VPS13B: variants seen among roughly 807,000 people sequenced by gnomAD.
The protein encoded by VPS13B is intermembrane lipid transfer protein VPS13B.
VPS13B carries 285 observed loss-of-function variants against 426.4 expected under a neutral mutation model. That is an observed-to-expected ratio of 0.67 (90% CI 0.61 to 0.74). The LOEUF (loss-of-function observed/expected upper bound fraction) is 0.74, where lower values mean the gene tolerates loss of function less well. Ranked by LOEUF, VPS13B falls within the 30% of genes least tolerant of loss-of-function variation. The probability of loss-of-function intolerance (pLI) is 0.00; values close to 1 mark genes in which losing one functional copy is unlikely to be tolerated. For missense variants in VPS13B, 4,537 were observed against 4,782.6 expected (o/e 0.95, Z 1.51); for synonymous variants, 1,676 against 1,676.4 (o/e 1.00, Z 0.01).
chr8:99,431,579 TA>T lies in VPS13B; in HGVS notation c.3126del (p.Ser1043LeufsTer11). Reference sequence around the variant, plus strand: ...GTTCCTGTTAAAGCCATGTTGAATATATCTGAAAGCTGTAGAAGTCCTGAAG... The same window carrying T: ...GTTCCTGTTAAAGCCATGTTGAATATTCTGAAAGCTGTAGAAGTCCTGAAG... ...LSVPVKAMLN[I>X]SESCRSPEER... is the part of the protein sequence containing the mutation. On this transcript the variant is annotated frameshift_variant, in exon 22 of 62. Transcript: ENST00000357162. LOFTEE classifies it high-confidence loss of function. 6.2e-7 allele frequency: 1 copy of T among 1,613,560 alleles called. No homozygotes were observed. The highest frequency in any genetic ancestry group is 8.5e-7 in the Non-Finnish European group (1 of 1,179,762).
At chr8:99,517,621 A>G (rs1822156459) in intron 29 of VPS13B, among the ~76,000 whole-genome samples, 1 of 152,302 alleles carries the variant, frequency 6.6e-6, no homozygotes, top group Non-Finnish European at 1.5e-5. Flanking sequence ...TTCTAAATCT[A>G]CAAGTCTTTG....
At chr8:99,520,433 T>C (rs1347817665) in intron 29 of VPS13B, among the ~76,000 whole-genome samples, 2 of 145,044 alleles carry the variant, frequency 1.4e-5, no homozygotes, top group African/African-American at 5.0e-5. Context: ...GTGTGTGTTG[T>C]ATTTAATTAT....
chr8:99,665,163 T>C (rs924138636), intron 35 of VPS13B, among the ~76,000 whole-genome samples: 17 of 151,800 alleles, frequency 1.1e-4, no homozygotes, highest in Non-Finnish European at 2.5e-4. Context: ...TTTGATGGGG[T>C]TGTTTGTTTT....
chr8:99,572,921 A>C (rs1319360995), intron 31 of VPS13B, among the ~76,000 whole-genome samples: 2 of 152,220 alleles, frequency 1.3e-5, no homozygotes, highest in Non-Finnish European at 2.9e-5. Flanking sequence ...TCCCACCAAC[A>C]GTGTAAAAGT....
At chr8:99,127,067 G>C (rs1848215007) in intron 8 of VPS13B, among the ~76,000 whole-genome samples, 1 of 151,652 alleles carries the variant, frequency 6.6e-6, no homozygotes, top group South Asian at 2.1e-4. Flanking sequence ...TGCCACTGCA[G>C]CCTGGGTGAC....
chr8:99,088,366 G>A (rs1382741236), intron 3 of VPS13B, among the ~76,000 whole-genome samples: 1 of 152,020 alleles, frequency 6.6e-6, no homozygotes, highest in African/African-American at 2.4e-5. Flanking sequence ...GCATCATTTT[G>A]CAATGTTAGA....
intron 19 of VPS13B, among the ~76,000 whole-genome samples, chr8:99,315,337 C>CT (rs57818188): frequency 1.4e-4 from 21 of 147,006 alleles, no homozygotes; most frequent in East Asian, 9.9e-4. Flanking sequence ...TTCTCTCTCT[C>CT]TTTTTTTTTT....
chr8:99,851,712 AG>A (rs775484605), intron 55 of VPS13B, among the ~76,000 whole-genome samples: 6 of 151,850 alleles, frequency 4.0e-5, no homozygotes, highest in Non-Finnish European at 7.4e-5. Context: ...GGCCCAGTGG[AG>A]GGGGTGGAAG....
chr8:99,028,539 C>G (rs1272141193), intron 2 of VPS13B, among the ~76,000 whole-genome samples: 4 of 113,470 alleles, frequency 3.5e-5, no homozygotes, highest in African/African-American at 1.3e-4. Flanking sequence ...CCCCCACCTC[C>G]CTCCCGGACG....
At position 99,748,470 on chromosome 8, in the gene VPS13B, T is replaced by C. The variant is rs539617939; in HGVS notation, c.7051-18304T>C. Among the ~76,000 whole-genome samples the C allele has an allele frequency of 3.1e-4, 47 of 152,192 alleles. No homozygotes were observed. The South Asian group carries it at 9.1e-3, about 30-fold the overall frequency. ...CAGATGTATGGTTTGATATGTTCAG[T>C]TGATATGTAAATAGACATATTTTTG... On this transcript the variant is annotated intron_variant, in intron 39 of 61. Coordinates refer to ENST00000357162, the MANE Select transcript of VPS13B (RefSeq NM_152564.5).
intron 51 of VPS13B, among the ~76,000 whole-genome samples, chr8:99,830,036 C>A (rs373750536): frequency 4.6e-5 from 7 of 152,202 alleles, no homozygotes; most frequent in African/African-American, 7.2e-5. Context: ...TGTCTGTCAA[C>A]CCCTGCTGGG....
intron 29 of VPS13B, among the ~76,000 whole-genome samples, chr8:99,514,037 C>G (rs759341988): frequency 6.6e-6 from 1 of 152,092 alleles, no homozygotes; most frequent in African/African-American, 2.4e-5. Context: ...CAATAAATTG[C>G]TTTTTCATTG....
chr8:99,296,466 A>G (rs992557362), intron 19 of VPS13B, among the ~76,000 whole-genome samples: 9 of 152,302 alleles, frequency 5.9e-5, no homozygotes, highest in African/African-American at 1.9e-4. Flanking sequence ...TTTCTAATAC[A>G]TAAAATGGAA....
intron 3 of VPS13B, among the ~76,000 whole-genome samples, chr8:99,073,833 C>T (rs1844970352): frequency 6.6e-6 from 1 of 150,948 alleles, no homozygotes; most frequent in Non-Finnish European, 1.5e-5. Context: ...TGCAGTGGTG[C>T]GATCAGGGCC....
At chr8:99,663,662 C>T (rs1348860758) in intron 35 of VPS13B, among the ~76,000 whole-genome samples, 2 of 152,288 alleles carry the variant, frequency 1.3e-5, no homozygotes, top group African/African-American at 2.4e-5. Flanking sequence ...GTTGTTCACA[C>T]ATGAAAGACT....
At chr8:99,767,045 C>T (rs1352225263) in intron 40 of VPS13B, 75 bp downstream of exon 40, 1 of 1,432,884 alleles carries the variant, frequency 7.0e-7, no homozygotes, top group East Asian at 2.3e-5. Flanking sequence ...ATCTAGTGAC[C>T]CCTCACTTAA....
intron 8 of VPS13B, among the ~76,000 whole-genome samples, chr8:99,128,080 A>G (rs563088130): frequency 2.7e-4 from 41 of 152,192 alleles, no homozygotes; most frequent in African/African-American, 9.4e-4. Context: ...ACTAAAGCTC[A>G]TTAAGTGGTA....
At chr8:99,358,934 C>T (rs1812340293) in intron 19 of VPS13B, among the ~76,000 whole-genome samples, 1 of 152,040 alleles carries the variant, frequency 6.6e-6, no homozygotes, top group Admixed American at 6.5e-5. Flanking sequence ...AAGATCTTGC[C>T]TATTATAATA....
At chr8:99,014,042 A>G (rs756453214) in intron 2 of VPS13B, 107 bp downstream of exon 2, 7 of 1,462,662 alleles carry the variant, frequency 4.8e-6, no homozygotes, top group East Asian at 2.3e-5. Context: ...TAACTTTTCT[A>G]CTGATGTATT....
Sources: allele counts gnomAD v4.1 joint callset (sites outside exome capture counted in the v4.1 genomes callset), GRCh38; gene constraint gnomAD v4.1.1; transcripts MANE v1.5; gene names NCBI Gene and HGNC (gene_info 2026-07-23, HGNC 2026-07-21).